Variants in MBD5 observed in about 807,000 individuals in gnomAD.
MBD5 encodes methyl-CpG-binding domain protein 5.
MBD5 carries 13 observed loss-of-function variants against 117.3 expected under a neutral mutation model. The observed-to-expected ratio is 0.11, with a 90% CI of 0.07 to 0.18. The LOEUF is 0.18. Ranked by LOEUF, MBD5 falls within the 10% of genes least tolerant of loss-of-function variation. The pLI, the probability that MBD5 is intolerant of heterozygous loss-of-function variation, is 1.00. For missense variants in MBD5, 1,879 were observed against 2,093.8 expected, an observed-to-expected ratio of 0.90 and a Z score of 2.00; for synonymous variants, 727 against 766.4, an observed-to-expected ratio of 0.95 and a Z score of 0.85.
At chr2:148,257,020 C>A (rs984717286) in intron 3 of MBD5, among the ~76,000 whole-genome samples, 1 of 152,228 alleles carries the variant, frequency 6.6e-6, no homozygotes. Context: ...ATGACTGCAC[C>A]CTGCCCTGTC....
At chr2:148,390,608 C>T (rs936831506) in intron 4 of MBD5, among the ~76,000 whole-genome samples, 3 of 151,414 alleles carry the variant, frequency 2.0e-5, no homozygotes, top group Non-Finnish European at 4.4e-5. Context: ...TGGGGTCTCA[C>T]TCTGTCGCCC....
intron 3 of MBD5, among the ~76,000 whole-genome samples, chr2:148,250,141 G>C (rs76633510): frequency 1.3e-5 from 2 of 152,022 alleles, no homozygotes; most frequent in African/African-American, 4.8e-5. Flanking sequence ...ACTTTTTCAA[G>C]CAAGATCATG....
chr2:148,172,921 A>C (rs1056500223), intron 1 of MBD5, among the ~76,000 whole-genome samples: 4 of 152,140 alleles, frequency 2.6e-5, no homozygotes, highest in Non-Finnish European at 5.9e-5. Flanking sequence ...TGAGAGCTGG[A>C]CACTCATCAG....
chr2:148,153,411 A>G (rs1435767995), intron 1 of MBD5, among the ~76,000 whole-genome samples: 98 of 147,026 alleles, frequency 6.7e-4, no homozygotes, highest in Non-Finnish European at 1.2e-3. Flanking sequence ...TCTGACAATT[A>G]TGTGTCTTGG....
At chr2:148,268,402 TTTATG>T (rs146023887) in intron 3 of MBD5, among the ~76,000 whole-genome samples, 3,262 of 152,148 alleles carry the variant, frequency 0.021, 53 homozygotes, top group African/African-American at 0.038. Flanking sequence ...TCTGTTATAC[TTTATG>T]TTATCTTTCT....
rs182082279 is a variant in MBD5 at position 148,063,307 on chromosome 2, A to G, written c.-925+41623A>G. 2.2e-4 allele frequency among the ~76,000 whole-genome samples: 33 copies of G among 152,264 alleles called. No individual in the cohort carries two copies. The East Asian group carries it at 6.2e-3, about 28-fold the overall frequency. ...TTCATTTTAGTATAATTTGCTTTTG[A>G]AAAACATCCAAATTTTAATTGATGC... On this transcript the variant is annotated intron_variant, in intron 1 of 13. Coordinates refer to ENST00000642680, the MANE Select transcript of MBD5 (RefSeq NM_001378120.1).
At chr2:148,307,653 T>C (rs1417111883) in intron 3 of MBD5, among the ~76,000 whole-genome samples, 1 of 152,232 alleles carries the variant, frequency 6.6e-6, no homozygotes, top group African/African-American at 2.4e-5. Flanking sequence ...TATACTTTTT[T>C]TATTATACTT....
chr2:148,279,148 G>A (rs948300610), intron 3 of MBD5, among the ~76,000 whole-genome samples: 2 of 152,134 alleles, frequency 1.3e-5, no homozygotes, highest in Non-Finnish European at 2.9e-5. Context: ...CAAAAGCAGA[G>A]CCATCAAGGT....
intron 1 of MBD5, chr2:148,055,669 T>G (rs543994872): frequency 1.3e-5 from 2 of 152,332 alleles, no homozygotes; most frequent in African/African-American, 4.8e-5. Context: ...CCAGACCTCA[T>G]GACCCGCCCG....
At chr2:148,277,004 G>T (rs1701129572) in intron 3 of MBD5, among the ~76,000 whole-genome samples, 1 of 152,084 alleles carries the variant, frequency 6.6e-6, no homozygotes, top group African/African-American at 2.4e-5. Context: ...TGGTACTTTT[G>T]GCTCTGTGGC....
intron 1 of MBD5, among the ~76,000 whole-genome samples, chr2:148,051,395 T>C (rs1694697036): frequency 6.6e-6 from 1 of 152,056 alleles, no homozygotes; most frequent in Admixed American, 6.5e-5. Context: ...GGATGTCTTT[T>C]CATTTCTGTT....
At chr2:148,465,532 C>T (rs1165826695) in intron 7 of MBD5, among the ~76,000 whole-genome samples, 1 of 152,038 alleles carries the variant, frequency 6.6e-6, no homozygotes, top group Non-Finnish European at 1.5e-5. Flanking sequence ...GATGAGTATA[C>T]CTGTAGTGAT....
intron 1 of MBD5, chr2:148,027,783 GT>G (rs1693941003): frequency 6.6e-6 from 1 of 152,074 alleles, no homozygotes; most frequent in African/African-American, 2.4e-5. Flanking sequence ...GACCTGCAGA[GT>G]TTGGAAACAT....
intron 4 of MBD5, among the ~76,000 whole-genome samples, chr2:148,384,932 C>G (rs893759188): frequency 2.6e-5 from 4 of 151,940 alleles, no homozygotes; most frequent in African/African-American, 9.7e-5. Flanking sequence ...AAACTGAATC[C>G]CTTCCTTACA....
At chr2:148,449,861 T>C (rs1036647460) in intron 4 of MBD5, among the ~76,000 whole-genome samples, 1 of 152,072 alleles carries the variant, frequency 6.6e-6, no homozygotes, top group Non-Finnish European at 1.5e-5. Context: ...TTTTTGAAGA[T>C]AGTATTTTCC....
chr2:148,438,543 A>C (rs935188774), intron 4 of MBD5, among the ~76,000 whole-genome samples: 1 of 152,220 alleles, frequency 6.6e-6, no homozygotes, highest in Admixed American at 6.5e-5. Flanking sequence ...AGAAGGAAGG[A>C]TATTTGGCTT....
rs528789050 is a variant in MBD5 at position 148,470,156 on chromosome 2, A to G, written c.2213A>G (p.His738Arg). 4 of 1,613,894 alleles carry G rather than the reference A, an allele frequency of 2.5e-6. No homozygotes were observed. The highest frequency in any genetic ancestry group is 2.2e-5 in the South Asian group (2 of 91,078). Residue 738 changes from histidine (H) to arginine (R), a missense_variant, in exon 8 of 14, where the codon CAT (histidine) becomes CGT (arginine). By Grantham distance (29) the His-to-Arg change is conservative (BLOSUM62 0). Coordinates refer to ENST00000642680, the MANE Select transcript of MBD5 (RefSeq NM_001378120.1). ...TTGCCTTGCTCTGCTAACCAGCTGC[A>G]TTTTACAGATCCCAGTATGAACTCT... Reference protein sequence around the residue: ...TALPCSANQLHFTDPSMNSSV... With the variant: ...TALPCSANQLRFTDPSMNSSV...
At chr2:148,334,381 G>A (rs1015581759) in intron 3 of MBD5, among the ~76,000 whole-genome samples, 1 of 151,622 alleles carries the variant, frequency 6.6e-6, no homozygotes, top group African/African-American at 2.4e-5. Flanking sequence ...TCACTGGGCT[G>A]TAGTGCAGTG....
rs769291751 is a variant in MBD5 at position 148,231,007 on chromosome 2, G to A, written c.-830-2238G>A. Among the ~76,000 whole-genome samples, 7 of 152,096 alleles carry A rather than the reference G, an allele frequency of 4.6e-5. No homozygotes were observed. The South Asian group carries it at 1.0e-3, about 23-fold the overall frequency. On this transcript the variant is annotated intron_variant, in intron 2 of 13. Transcript: ENST00000642680. ...TGGAGCCACCAGCTGTATAGCCTGT[G>A]GTTAGGAGGAGGTGATGCCAGCACT...
Sources: allele counts gnomAD v4.1 joint callset (sites outside exome capture counted in the v4.1 genomes callset), GRCh38; gene constraint gnomAD v4.1.1; transcripts MANE v1.5; gene names NCBI Gene and HGNC (gene_info 2026-07-23, HGNC 2026-07-21).